Variants in DCDC1 observed in about 807,000 individuals in gnomAD.
DCDC1 encodes the protein doublecortin domain containing 1.
DCDC1 carries 200 observed loss-of-function variants against 178.3 expected under a neutral mutation model. The observed-to-expected ratio is 1.12, with a 90% confidence interval of 1.00 to 1.26. The LOEUF (loss-of-function observed/expected upper bound fraction) is 1.26, where lower values mean the gene tolerates loss of function less well. Ranked by LOEUF, DCDC1 falls within the 50% of genes most tolerant of loss-of-function variation. The pLI, the probability that DCDC1 is intolerant of heterozygous loss-of-function variation, is 0.00. For missense variants in DCDC1, 1,983 were observed against 1,749.2 expected, an observed-to-expected ratio of 1.13 and a Z score of -2.38; for synonymous variants, 690 against 604.8, an observed-to-expected ratio of 1.14 and a Z score of -2.07.
chr11:31,240,350 A>T (rs941764424), intron 9 of DCDC1, among the ~76,000 whole-genome samples: 3 of 152,110 alleles, frequency 2.0e-5, no homozygotes, highest in Non-Finnish European at 4.4e-5. Context: ...GATAATTATA[A>T]TCCTGTTTCT....
intron 9 of DCDC1, among the ~76,000 whole-genome samples, chr11:31,201,795 G>A (rs1971316837): frequency 6.6e-6 from 1 of 152,068 alleles, no homozygotes; most frequent in African/African-American, 2.4e-5. Context: ...TGACAGTGGG[G>A]TAAAAATAAG....
At chr11:31,156,881 C>T (rs1965765949) in intron 9 of DCDC1, among the ~76,000 whole-genome samples, 1 of 152,114 alleles carries the variant, frequency 6.6e-6, no homozygotes, top group Non-Finnish European at 1.5e-5. Context: ...TTTCACACTG[C>T]ACATAGATGC....
intron 6 of DCDC1, 63 bp from the exon 7 acceptor site, chr11:31,290,915 T>C: frequency 7.0e-7 from 1 of 1,437,154 alleles, no homozygotes; most frequent in African/African-American, 1.4e-5. Flanking sequence ...GGACACATCA[T>C]ACTTCCCTCC....
chr11:31,206,254 G>GCTA (rs1229993334), intron 9 of DCDC1, among the ~76,000 whole-genome samples: 34 of 152,308 alleles, frequency 2.2e-4, no homozygotes, highest in African/African-American at 7.2e-4. Context: ...GCCCATTGCT[G>GCTA]AGAGTGGGAG....
chr11:31,256,243 T>G (rs548662847), intron 8 of DCDC1, among the ~76,000 whole-genome samples: 4 of 152,290 alleles, frequency 2.6e-5, no homozygotes, highest in South Asian at 4.1e-4. Flanking sequence ...TGTAGTAAGT[T>G]TTGAAATTGG....
At chr11:30,926,708 C>G (rs1465658956) in intron 22 of DCDC1, among the ~76,000 whole-genome samples, 1 of 152,150 alleles carries the variant, frequency 6.6e-6, no homozygotes, top group African/African-American at 2.4e-5. Flanking sequence ...CAAGACATAG[C>G]TTTATAAAGA....
At chr11:31,346,708 G>T (rs2133263198) in intron 1 of DCDC1, among the ~76,000 whole-genome samples, 1 of 152,166 alleles carries the variant, frequency 6.6e-6, no homozygotes, top group Middle Eastern at 3.4e-3. Flanking sequence ...ATAAACCGAG[G>T]TATATGTGAG....
At chr11:31,192,241 C>A (rs1294669961) in intron 9 of DCDC1, among the ~76,000 whole-genome samples, 2 of 152,078 alleles carry the variant, frequency 1.3e-5, no homozygotes, top group Non-Finnish European at 1.5e-5. Flanking sequence ...ACTGACTTAT[C>A]CACTCCTGTA....
intron 10 of DCDC1, among the ~76,000 whole-genome samples, chr11:31,131,353 A>C (rs2135958539): frequency 6.6e-6 from 1 of 152,248 alleles, no homozygotes; most frequent in Non-Finnish European, 1.5e-5. Context: ...TCCAGTGACA[A>C]GTTTCTCTCG....
At position 31,250,430 on chromosome 11, in the gene DCDC1, GTA is replaced by G. The variant is rs1376992040; in HGVS notation, c.1055-8816_1055-8815del. Among the ~76,000 whole-genome samples, 26 of 84,786 alleles carry G rather than the reference GTA, an allele frequency of 3.1e-4. 4 individuals are homozygous for G. In the East Asian group the frequency reaches 6.4e-3, roughly 21 times the overall value. 55.6% of individuals were successfully genotyped at this position (84,786 alleles called of 152,430 possible). ...CACACACACACATATACATATATATGTATATATATATATATCCCTGCCTGGGG... is the reference window on the plus strand; with the variant it reads ...CACACACACACATATACATATATATGTATATATATATATCCCTGCCTGGGG... On this transcript the variant is annotated intron_variant, in intron 8 of 38. Coordinates refer to ENST00000684477, the MANE Select transcript of DCDC1 (RefSeq NM_001387274.1).
chr11:31,128,513 G>C (rs1177265561), intron 10 of DCDC1, among the ~76,000 whole-genome samples: 1 of 151,976 alleles, frequency 6.6e-6, no homozygotes, highest in Non-Finnish European at 1.5e-5. Flanking sequence ...ATAAACACTG[G>C]TTGATATTAT....
intron 20 of DCDC1, among the ~76,000 whole-genome samples, chr11:31,015,968 C>T (rs1362117709): frequency 6.6e-6 from 1 of 152,290 alleles, no homozygotes; most frequent in Non-Finnish European, 1.5e-5. Flanking sequence ...AAAAAATACA[C>T]TCCATTTTCT....
chr11:31,104,865 G>A (rs1958748085), intron 13 of DCDC1, among the ~76,000 whole-genome samples: 1 of 151,920 alleles, frequency 6.6e-6, no homozygotes, highest in South Asian at 2.1e-4. Context: ...ATATACAGGA[G>A]CTCATTGTAC....
At chr11:31,359,365 A>G (rs916543796) in intron 1 of DCDC1, among the ~76,000 whole-genome samples, 3 of 148,448 alleles carry the variant, frequency 2.0e-5, no homozygotes, top group Non-Finnish European at 4.5e-5. Context: ...ATTCTCACTC[A>G]TAGGTGGGAA....
intron 12 of DCDC1, among the ~76,000 whole-genome samples, chr11:31,109,119 ATTTT>A (rs36063214): frequency 1.4e-5 from 2 of 139,204 alleles, no homozygotes; most frequent in African/African-American, 2.7e-5. Context: ...TAATATCTTC[ATTTT>A]TTTTTTTTTT....
At chr11:31,366,326 A>G (rs554644383) in intron 1 of DCDC1, among the ~76,000 whole-genome samples, 44 of 152,338 alleles carry the variant, frequency 2.9e-4, no homozygotes, top group African/African-American at 1.1e-3. Context: ...TATTAGAGCT[A>G]TGTATCATTA....
intron 6 of DCDC1, among the ~76,000 whole-genome samples, chr11:31,298,527 T>C (rs1167159015): frequency 3.9e-5 from 6 of 152,208 alleles, no homozygotes; most frequent in Non-Finnish European, 8.8e-5. Context: ...CATGTCCGCC[T>C]GACTGTTCAT....
intron 20 of DCDC1, among the ~76,000 whole-genome samples, chr11:30,988,558 C>T (rs1386832881): frequency 2.0e-5 from 3 of 152,154 alleles, no homozygotes; most frequent in Non-Finnish European, 4.4e-5. Flanking sequence ...CTTCTCCAGC[C>T]TCCCAGCTTT....
At chr11:31,133,813 C>G (rs1304491162) in intron 10 of DCDC1, among the ~76,000 whole-genome samples, 1 of 152,154 alleles carries the variant, frequency 6.6e-6, no homozygotes, top group Non-Finnish European at 1.5e-5. Flanking sequence ...AAGTGATTCT[C>G]CTGCCTCAGC....
Sources: gnomAD v4.1 joint callset for allele counts (sites outside exome capture counted in the v4.1 genomes callset) on GRCh38, gnomAD v4.1.1 for gene constraint, MANE v1.5 for transcripts, NCBI Gene and HGNC (gene_info 2026-07-23, HGNC 2026-07-21) for gene names.